The following LARGE1 variants were observed in gnomAD, a reference collection of about 807,000 sequenced individuals.
LARGE1 encodes LARGE xylosyl- and glucuronyltransferase 1, also known as xylosyl- and glucuronyltransferase LARGE1.
In LARGE1, 43 loss-of-function variants were observed where a neutral mutation model predicts 87.6. The observed-to-expected ratio is 0.49, with a 90% CI of 0.38 to 0.63. The LOEUF (loss-of-function observed/expected upper bound fraction) is 0.63, where lower values mean the gene tolerates loss of function less well. Ranked by LOEUF, LARGE1 falls within the 30% of genes least tolerant of loss-of-function variation. The probability of loss-of-function intolerance (pLI) is 0.00; values close to 1 mark genes in which losing one functional copy is unlikely to be tolerated. For synonymous variants in LARGE1, 434 were observed against 394.6 expected, an observed-to-expected ratio of 1.10 and a Z score of -1.18; for missense variants, 802 against 1,000.2, an observed-to-expected ratio of 0.80 and a Z score of 2.67.
intron 1 of LARGE1, among the ~76,000 whole-genome samples, chr22:33,857,075 C>G (rs920021130): frequency 5.3e-5 from 8 of 152,098 alleles, no homozygotes; most frequent in African/African-American, 1.9e-4. Context: ...GGATTACAGG[C>G]TCAGCTAATT....
At chr22:33,349,799 C>T (rs979379573) in intron 9 of LARGE1, among the ~76,000 whole-genome samples, 2 of 152,182 alleles carry the variant, frequency 1.3e-5, no homozygotes, top group African/African-American at 4.8e-5. Flanking sequence ...AACTCTTTGG[C>T]TCCTGTCACA....
At chr22:33,751,661 T>G (rs996820862) in intron 2 of LARGE1, among the ~76,000 whole-genome samples, 14 of 152,184 alleles carry the variant, frequency 9.2e-5, no homozygotes, top group Non-Finnish European at 2.1e-4. Context: ...CTTGGTATAA[T>G]TGGAATCCTA....
intron 6 of LARGE1, among the ~76,000 whole-genome samples, chr22:33,525,644 T>G (rs1391488800): frequency 1.3e-5 from 2 of 151,824 alleles, no homozygotes; most frequent in Non-Finnish European, 2.9e-5. Flanking sequence ...GTCCCCTATG[T>G]TTCCCCCCCA....
intron 13 of LARGE1, among the ~76,000 whole-genome samples, chr22:33,278,364 C>G (rs1394814746): frequency 6.6e-6 from 1 of 152,108 alleles, no homozygotes; most frequent in African/African-American, 2.4e-5. Context: ...GCAGAGAATC[C>G]AGTCATTCCA....
chr22:33,850,815 G>T (rs983691109), intron 1 of LARGE1, among the ~76,000 whole-genome samples: 3 of 151,942 alleles, frequency 2.0e-5, no homozygotes, highest in African/African-American at 7.3e-5. Context: ...AGTTTTGCTG[G>T]CTCCCCATTC....
At chr22:33,515,649 A>AT (rs1569229964) in intron 6 of LARGE1, among the ~76,000 whole-genome samples, 1 of 152,172 alleles carries the variant, frequency 6.6e-6, no homozygotes, top group Non-Finnish European at 1.5e-5. Context: ...AAACCCCCTC[A>AT]TTTTATACAC....
chr22:33,402,393 T>C (rs2065954278), intron 7 of LARGE1, among the ~76,000 whole-genome samples: 1 of 152,186 alleles, frequency 6.6e-6, no homozygotes, highest in South Asian at 2.1e-4. Flanking sequence ...TAAAAGCCTC[T>C]TGATGCTAGA....
At chr22:33,428,367 G>A (rs2066953640) in intron 7 of LARGE1, among the ~76,000 whole-genome samples, 1 of 149,416 alleles carries the variant, frequency 6.7e-6, no homozygotes, top group Non-Finnish European at 1.5e-5. Flanking sequence ...CCCAGCTGGA[G>A]TGCAGTGGCA....
chr22:33,317,224 A>T (rs1465730678), intron 10 of LARGE1, among the ~76,000 whole-genome samples: 1 of 152,144 alleles, frequency 6.6e-6, no homozygotes, highest in Non-Finnish European at 1.5e-5. Context: ...AAAACAAACA[A>T]ACAAACAAAC....
At chr22:33,368,667 G>C (rs576224318) in intron 9 of LARGE1, among the ~76,000 whole-genome samples, 199 of 151,984 alleles carry the variant, frequency 1.3e-3, no homozygotes, top group African/African-American at 4.7e-3. Context: ...TATGTATTTG[G>C]ACAGATATAT....
At position 33,650,491 on chromosome 22, in the gene LARGE1, C is replaced by T. The variant is rs773482355; in HGVS notation, c.284G>A (p.Arg95Gln). ...GGAGTAGGTCTTGGAGTGGTTGCCTCGGCGATGGGATGGGGCTCGGCCCTG... is the reference window on the plus strand; with the variant it reads ...GGAGTAGGTCTTGGAGTGGTTGCCTTGGCGATGGGATGGGGCTCGGCCCTG... Reference protein sequence around the residue: ...LAQGRAPSHRRGNHSKTYSME... With the variant: ...LAQGRAPSHRQGNHSKTYSME... The change falls in exon 3 of 15, where the codon CGA becomes CAA. Residue 95 changes from arginine to glutamine, a missense_variant. By Grantham distance (43) the Arg-to-Gln change is conservative (BLOSUM62 1). Coordinates refer to ENST00000397394, the MANE Select transcript of LARGE1 (RefSeq NM_133642.5). 1.9e-5 allele frequency: 30 copies of T among 1,613,600 alleles called. No homozygotes were observed. The highest frequency in any genetic ancestry group is 8.8e-5 in the South Asian group (8 of 91,086).
chr22:33,527,499 G>A (rs892514890), intron 6 of LARGE1, among the ~76,000 whole-genome samples: 1 of 152,134 alleles, frequency 6.6e-6, no homozygotes, highest in Non-Finnish European at 1.5e-5. Flanking sequence ...TTCATTGGTG[G>A]GTGGCACTCG....
chr22:33,382,185 G>A (rs2065182231), intron 8 of LARGE1, 141 bp from the exon 9 acceptor site: 4 of 1,042,424 alleles, frequency 3.8e-6, no homozygotes, highest in African/African-American at 3.2e-5. Context: ...GCACTGTGAG[G>A]CATCTCTCTT....
intron 11 of LARGE1, among the ~76,000 whole-genome samples, chr22:33,175,125 T>G (rs1289920675): frequency 6.6e-6 from 1 of 152,156 alleles, no homozygotes; most frequent in East Asian, 1.9e-4. Flanking sequence ...ATCAAAAAGC[T>G]AATCCACCAT....
rs372839080 is a variant in LARGE1, at chr22:33,502,242, C to A, written c.787+62606G>T. Among the ~76,000 whole-genome samples the A allele has an allele frequency of 2.2e-4, 33 of 151,230 alleles. No homozygotes were observed. The East Asian group carries it at 5.6e-3, about 26-fold the overall frequency. ...GGAACCTATCTGGACAGGTGACACA[C>A]TCCCCAGGCAGTGACAGCGGCGGTG... is the stretch of plus-strand genomic sequence containing the variant. On this transcript the variant is annotated intron_variant, in intron 6 of 14. Transcript: ENST00000397394.
At chr22:33,202,738 G>A (rs766296972) in intron 11 of LARGE1, among the ~76,000 whole-genome samples, 6 of 152,078 alleles carry the variant, frequency 3.9e-5, no homozygotes, top group Non-Finnish European at 8.8e-5. Flanking sequence ...GAAACCCCAC[G>A]AAGTTCTACA....
intron 9 of LARGE1, among the ~76,000 whole-genome samples, chr22:33,371,983 CAAA>C (rs757895320): frequency 2.2e-5 from 2 of 92,068 alleles, no homozygotes; most frequent in Admixed American, 1.2e-4. Context: ...GACTCCATCT[CAAA>C]AAAAAAAAAA....
At chr22:33,462,800 T>C (rs1453424132) in intron 6 of LARGE1, among the ~76,000 whole-genome samples, 3 of 151,996 alleles carry the variant, frequency 2.0e-5, no homozygotes, top group African/African-American at 7.2e-5. Context: ...AAATAATATA[T>C]ATACCAACTG....
chr22:33,141,102 C>T, the LARGE1 span, among the ~76,000 whole-genome samples: 2 of 151,598 alleles, frequency 1.3e-5, no homozygotes, highest in Non-Finnish European at 2.9e-5. Flanking sequence ...ACAAGTAGAA[C>T]ATAATATCTA....
Sources: allele counts gnomAD v4.1 joint callset (sites outside exome capture counted in the v4.1 genomes callset), GRCh38; gene constraint gnomAD v4.1.1; transcripts MANE v1.5; gene names NCBI Gene and HGNC (gene_info 2026-07-23, HGNC 2026-07-21).